KLF12: variants seen among roughly 807,000 people sequenced by gnomAD.
The protein encoded by KLF12 is Krueppel-like factor 12.
Under a neutral mutation model 37.8 loss-of-function variants are expected in KLF12, and 9 were observed. The ratio of observed to expected loss-of-function variants is 0.24; its 90% CI spans 0.14 to 0.42. KLF12 has a LOEUF of 0.42. Ranked by LOEUF, KLF12 falls within the 10% of genes least tolerant of loss-of-function variation. The pLI, the probability that KLF12 is intolerant of heterozygous loss-of-function variation, is 1.00. For missense variants in KLF12, 411 were observed against 516.0 expected (o/e 0.80, Z 1.97); for synonymous variants, 208 against 202.1 (o/e 1.03, Z -0.25).
chr13:73,772,935 G>T (rs745737682), intron 5 of KLF12, among the ~76,000 whole-genome samples: 1 of 152,162 alleles, frequency 6.6e-6, no homozygotes, highest in Non-Finnish European at 1.5e-5. Context: ...GCAGGATCTG[G>T]TCTAAGTACA....
the KLF12 span, among the ~76,000 whole-genome samples, chr13:74,298,417 T>C: frequency 6.6e-6 from 1 of 152,136 alleles, no homozygotes; most frequent in African/African-American, 2.4e-5. Context: ...CTTCTAGAAA[T>C]TAAAAAGTTG....
chr13:73,940,153 C>T (rs939396242), intron 3 of KLF12, among the ~76,000 whole-genome samples: 1 of 152,090 alleles, frequency 6.6e-6, no homozygotes, highest in African/African-American at 2.4e-5. Flanking sequence ...TTGTTTCAGT[C>T]CTTTGCTTAG....
chr13:74,136,467 G>T (rs1878558713), upstream of KLF12, among the ~76,000 whole-genome samples: 1 of 152,206 alleles, frequency 6.6e-6, no homozygotes, highest in Admixed American at 6.5e-5. Context: ...TCTAGGTGGG[G>T]CAGGGAGTGA....
At chr13:74,072,364 AATATATATAT>A (rs773653636) in intron 1 of KLF12, among the ~76,000 whole-genome samples, 3,331 of 63,046 alleles carry the variant, frequency 0.053, 117 homozygotes, top group Middle Eastern at 0.11. Flanking sequence ...AAGAAATACA[AATATATATAT>A]ATATATATAT....
At chr13:74,033,713 G>T (rs999393669) in intron 1 of KLF12, among the ~76,000 whole-genome samples, 2 of 151,906 alleles carry the variant, frequency 1.3e-5, no homozygotes, top group African/African-American at 4.8e-5. Flanking sequence ...TGATTGCTTC[G>T]CAACTTTTAA....
intron 7 of KLF12, among the ~76,000 whole-genome samples, chr13:73,711,410 T>C (rs573143823): frequency 2.0e-4 from 30 of 152,314 alleles, no homozygotes; most frequent in African/African-American, 6.3e-4. Flanking sequence ...AAAGGACAGA[T>C]GGACTCTTGT....
At chr13:73,817,699 G>A (rs982344693) in intron 4 of KLF12, among the ~76,000 whole-genome samples, 1 of 152,184 alleles carries the variant, frequency 6.6e-6, no homozygotes, top group South Asian at 2.1e-4. Flanking sequence ...GCCAACTGTT[G>A]AAACCAGATT....
chr13:74,104,810 A>C (rs987798339), intron 1 of KLF12, among the ~76,000 whole-genome samples: 1 of 152,194 alleles, frequency 6.6e-6, no homozygotes, highest in Non-Finnish European at 1.5e-5. Context: ...AAGAGTGGTG[A>C]CCAGGAGATA....
At chr13:74,141,547 T>C in the KLF12 span, among the ~76,000 whole-genome samples, 1 of 152,190 alleles carries the variant, frequency 6.6e-6, no homozygotes, top group Non-Finnish European at 1.5e-5. Context: ...TCCCTTGCAG[T>C]GAAACAAGAA....
chr13:74,184,901 G>T, the KLF12 span, among the ~76,000 whole-genome samples: 7 of 152,274 alleles, frequency 4.6e-5, no homozygotes, highest in Non-Finnish European at 1.0e-4. Context: ...AGTATAATTT[G>T]TTACTTCAGT....
intron 2 of KLF12, among the ~76,000 whole-genome samples, chr13:73,966,183 G>A (rs1393762727): frequency 4.6e-5 from 7 of 152,180 alleles, no homozygotes; most frequent in African/African-American, 1.7e-4. Context: ...TCTGAAAGAT[G>A]TAGAAATGTG....
At chr13:74,037,563 A>C (rs1749086567) in intron 1 of KLF12, among the ~76,000 whole-genome samples, 1 of 152,174 alleles carries the variant, frequency 6.6e-6, no homozygotes, top group Non-Finnish European at 1.5e-5. Flanking sequence ...TGCACTTGTC[A>C]ATTTTTAGCT....
chr13:73,807,142 T>C (rs1394165500), intron 5 of KLF12, among the ~76,000 whole-genome samples: 1 of 152,036 alleles, frequency 6.6e-6, no homozygotes, highest in East Asian at 1.9e-4. Flanking sequence ...ACCCCGTCTC[T>C]ACTAAAAATA....
chr13:73,823,593 CT>C (rs1216528240), intron 4 of KLF12, among the ~76,000 whole-genome samples: 2 of 152,164 alleles, frequency 1.3e-5, no homozygotes, highest in Non-Finnish European at 2.9e-5. Context: ...AGTAGACGTT[CT>C]TGAAGATATG....
intron 3 of KLF12, among the ~76,000 whole-genome samples, chr13:73,900,070 G>C (rs1202499532): frequency 6.6e-6 from 1 of 152,174 alleles, no homozygotes; most frequent in African/African-American, 2.4e-5. Context: ...GGAAATACTT[G>C]AGATGTCAAT....
chr13:74,297,383 C>T, the KLF12 span, among the ~76,000 whole-genome samples: 31 of 152,122 alleles, frequency 2.0e-4, 1 homozygote, highest in Middle Eastern at 3.2e-3. Flanking sequence ...TGGACTTCTC[C>T]GAACCTTTAA....
the KLF12 span, among the ~76,000 whole-genome samples, chr13:74,256,133 T>TGAGTGA: frequency 2.0e-5 from 3 of 146,390 alleles, no homozygotes; most frequent in Non-Finnish European, 4.5e-5. Flanking sequence ...CCAGCCTGGG[T>TGAGTGA]GACAGAGTGA....
intron 6 of KLF12, among the ~76,000 whole-genome samples, chr13:73,751,061 G>A (rs936659167): frequency 3.9e-5 from 6 of 152,150 alleles, no homozygotes; most frequent in African/African-American, 1.4e-4. Flanking sequence ...GGCAATGATT[G>A]GATTCAGAGG....
intron 3 of KLF12, among the ~76,000 whole-genome samples, chr13:73,942,028 T>A (rs1890210413): frequency 6.6e-6 from 1 of 152,190 alleles, no homozygotes; most frequent in Non-Finnish European, 1.5e-5. Context: ...CTATAAATAA[T>A]GTGACATGGA....
Sources: gnomAD v4.1 joint callset for allele counts (sites outside exome capture counted in the v4.1 genomes callset) on GRCh38, gnomAD v4.1.1 for gene constraint, MANE v1.5 for transcripts, NCBI Gene and HGNC (gene_info 2026-07-23, HGNC 2026-07-21) for gene names.